The following MARCHF3 variants were observed in gnomAD, a reference collection of about 807,000 sequenced individuals.
The protein encoded by MARCHF3 is membrane associated ring-CH-type finger 3.
In MARCHF3, 13 loss-of-function variants were observed where a neutral mutation model predicts 24.2. The ratio of observed to expected loss-of-function variants is 0.54; its 90% CI spans 0.35 to 0.85. MARCHF3 has a LOEUF of 0.85. MARCHF3 is among the 40% of genes least tolerant of loss of function. The probability of loss-of-function intolerance (pLI) is 0.01; values close to 1 mark genes in which losing one functional copy is unlikely to be tolerated. For missense variants in MARCHF3, 276 were observed against 325.0 expected (o/e 0.85, Z 1.16); for synonymous variants, 144 against 137.3 (o/e 1.05, Z -0.34).
Position 126,875,376 on chromosome 5 carries a change from G to C in MARCHF3, c.603+2809C>G, listed in dbSNP as rs1182115589. 2.0e-5 allele frequency among the ~76,000 whole-genome samples: 3 copies of C among 152,330 alleles called. No homozygotes were observed. In the East Asian group the frequency reaches 5.8e-4, roughly 29 times the overall value. On this transcript the variant is annotated intron_variant, in intron 4 of 4. Transcript: ENST00000308660. ...TCCAAGGCACTCTGAGGCGTGCAGC[G>C]TGAGCGCTTGTCCTTCTTCACAGTA...
intron 3 of MARCHF3, among the ~76,000 whole-genome samples, chr5:126,908,905 TAG>T (rs1175501610): frequency 1.3e-5 from 2 of 152,304 alleles, no homozygotes; most frequent in East Asian, 3.9e-4. Context: ...CTCTGCTTTT[TAG>T]AGTTTCCAGT....
intron 3 of MARCHF3, among the ~76,000 whole-genome samples, chr5:126,897,000 C>T (rs975537070): frequency 6.6e-6 from 1 of 150,746 alleles, no homozygotes; most frequent in Non-Finnish European, 1.5e-5. Context: ...CCCTAAACTG[C>T]CTTGAGACAA....
chr5:126,938,617 A>C (rs910094387), intron 1 of MARCHF3, among the ~76,000 whole-genome samples: 1 of 152,104 alleles, frequency 6.6e-6, no homozygotes, highest in Non-Finnish European at 1.5e-5. Context: ...CAAGTCTCAC[A>C]CTGTGGATAC....
At chr5:126,891,914 C>T (rs1753706144) in intron 3 of MARCHF3, among the ~76,000 whole-genome samples, 1 of 143,690 alleles carries the variant, frequency 7.0e-6, no homozygotes, top group Non-Finnish European at 1.5e-5. Flanking sequence ...ATTCTTCCTA[C>T]CCATGAGCAT....
At chr5:126,936,280 T>C (rs1421959585) in intron 1 of MARCHF3, among the ~76,000 whole-genome samples, 1 of 152,242 alleles carries the variant, frequency 6.6e-6, no homozygotes, top group African/African-American at 2.4e-5. Flanking sequence ...TAATCAGAAA[T>C]GCAAACAAGG....
chr5:126,973,879 A>ATTTTT (rs10585434), intron 1 of MARCHF3, among the ~76,000 whole-genome samples: 14 of 82,978 alleles, frequency 1.7e-4, no homozygotes, highest in Non-Finnish European at 2.4e-4. Flanking sequence ...AGCAAAATCT[A>ATTTTT]TTTTTTTTTT....
intron 1 of MARCHF3, among the ~76,000 whole-genome samples, chr5:126,975,421 G>A (rs1751160165): frequency 6.6e-6 from 1 of 152,102 alleles, no homozygotes; most frequent in Admixed American, 6.5e-5. Context: ...CATTGTACAA[G>A]GATCAAATCA....
At chr5:126,875,047 A>G (rs1299313843) in intron 4 of MARCHF3, among the ~76,000 whole-genome samples, 2 of 152,094 alleles carry the variant, frequency 1.3e-5, no homozygotes, top group African/African-American at 4.8e-5. Flanking sequence ...TGGTGCCTCA[A>G]TTCTCCTCCA....
At chr5:126,998,368 A>T (rs1335489327) in intron 1 of MARCHF3, among the ~76,000 whole-genome samples, 1 of 152,206 alleles carries the variant, frequency 6.6e-6, no homozygotes, top group Admixed American at 6.5e-5. Context: ...GTCCCTTTTC[A>T]AAGCACTCAT....
At chr5:126,892,079 G>C (rs968236210) in intron 3 of MARCHF3, among the ~76,000 whole-genome samples, 2 of 151,860 alleles carry the variant, frequency 1.3e-5, no homozygotes, top group East Asian at 3.9e-4. Flanking sequence ...TCATGATTTG[G>C]CTCTCTGTTT....
At chr5:126,881,519 T>G (rs1490609948) in intron 3 of MARCHF3, among the ~76,000 whole-genome samples, 1 of 152,182 alleles carries the variant, frequency 6.6e-6, no homozygotes, top group African/African-American at 2.4e-5. Context: ...CCTAGCAATA[T>G]GGAATTGTCT....
At chr5:126,991,402 G>A (rs1751755751) in intron 1 of MARCHF3, among the ~76,000 whole-genome samples, 1 of 152,158 alleles carries the variant, frequency 6.6e-6, no homozygotes, top group Admixed American at 6.5e-5. Context: ...CTGTTAGGGG[G>A]TGGGAGTCTA....
chr5:126,963,665 T>C (rs187014714), intron 1 of MARCHF3, among the ~76,000 whole-genome samples: 55 of 152,348 alleles, frequency 3.6e-4, no homozygotes, highest in African/African-American at 1.2e-3. Context: ...TTTAGCTTTA[T>C]AATTGGTAAA....
At chr5:126,944,572 AC>A (rs1373051840) in intron 1 of MARCHF3, among the ~76,000 whole-genome samples, 3 of 152,210 alleles carry the variant, frequency 2.0e-5, no homozygotes, top group African/African-American at 7.2e-5. Flanking sequence ...AAAGAGCGAC[AC>A]CCTGTCTCAA....
chr5:126,954,049 C>A (rs186270756), intron 1 of MARCHF3, among the ~76,000 whole-genome samples: 1 of 151,672 alleles, frequency 6.6e-6, no homozygotes, highest in Non-Finnish European at 1.5e-5. Context: ...ATTTTTATTT[C>A]TATTTTTATT....
At chr5:127,021,142 T>C (rs1752792549) in intron 1 of MARCHF3, among the ~76,000 whole-genome samples, 1 of 151,848 alleles carries the variant, frequency 6.6e-6, no homozygotes, top group Non-Finnish European at 1.5e-5. Flanking sequence ...TTCAGCCATG[T>C]AGAGTTTTAA....
chr5:126,917,137 G>A (rs1351709673), intron 2 of MARCHF3, among the ~76,000 whole-genome samples: 1 of 152,144 alleles, frequency 6.6e-6, no homozygotes, highest in Non-Finnish European at 1.5e-5. Context: ...CTATGTTAGA[G>A]GTCAGAAGTG....
intron 4 of MARCHF3, among the ~76,000 whole-genome samples, chr5:126,873,990 AAAG>A (rs1204781413): frequency 6.6e-6 from 1 of 152,256 alleles, no homozygotes; most frequent in Non-Finnish European, 1.5e-5. Context: ...CAGCGAGGAA[AAAG>A]AAAACATAAA....
At chr5:126,987,021 G>A (rs73786264) in intron 1 of MARCHF3, among the ~76,000 whole-genome samples, 7,836 of 152,262 alleles carry the variant, frequency 0.051, 371 homozygotes, top group South Asian at 0.14. Context: ...ATATGTTGCT[G>A]TGAGGGTATT....
Sources: gnomAD v4.1 joint callset for allele counts (sites outside exome capture counted in the v4.1 genomes callset) on GRCh38, gnomAD v4.1.1 for gene constraint, MANE v1.5 for transcripts, NCBI Gene and HGNC (gene_info 2026-07-23, HGNC 2026-07-21) for gene names.